The following KCNIP4 variants were observed in gnomAD, a reference collection of about 807,000 sequenced individuals.
KCNIP4 encodes the protein Kv channel-interacting protein 4.
KCNIP4 carries 12 observed loss-of-function variants against 34.0 expected under a neutral mutation model. The ratio of observed to expected loss-of-function variants is 0.35; its 90% CI spans 0.23 to 0.57. The LOEUF is 0.57. Among genes scored for constraint, KCNIP4 ranks in the 20% least tolerant of loss-of-function variants. The pLI is 0.83. For synonymous variants in KCNIP4, 124 were observed against 102.2 expected, an observed-to-expected ratio of 1.21 and a Z score of -1.29; for missense variants, 238 against 311.7, an observed-to-expected ratio of 0.76 and a Z score of 1.78.
intron 2 of KCNIP4, among the ~76,000 whole-genome samples, chr4:20,864,731 C>T (rs1246124643): frequency 1.3e-5 from 2 of 152,010 alleles, no homozygotes; most frequent in African/African-American, 4.8e-5. Flanking sequence ...GTATTGAGTC[C>T]AGCCCCTTAA....
intron 1 of KCNIP4, among the ~76,000 whole-genome samples, chr4:21,200,687 G>A (rs1326830718): frequency 4.0e-5 from 6 of 151,810 alleles, no homozygotes; most frequent in Admixed American, 2.6e-4. Context: ...TATTGGGTAC[G>A]AGGTAGGCTA....
At chr4:21,675,938 G>A (rs1427643397) in intron 1 of KCNIP4, among the ~76,000 whole-genome samples, 1 of 152,178 alleles carries the variant, frequency 6.6e-6, no homozygotes, top group Non-Finnish European at 1.5e-5. Flanking sequence ...CTAGCAGAAA[G>A]AGAATGGGAT....
chr4:21,010,244 C>T (rs1379578330), intron 1 of KCNIP4, among the ~76,000 whole-genome samples: 1 of 152,162 alleles, frequency 6.6e-6, no homozygotes, highest in East Asian at 1.9e-4. Context: ...AGGAACATGT[C>T]CACACTTCCC....
intron 1 of KCNIP4, among the ~76,000 whole-genome samples, chr4:21,380,440 G>GGAGGGA (rs113546252): frequency 0.61 from 74,730 of 122,070 alleles, 23,777 homozygotes; most frequent in African/African-American, 0.69. Flanking sequence ...TGAGGGAGAG[G>GGAGGGA]GAGGGAGAGG....
At chr4:21,584,658 A>G (rs1741480715) in intron 1 of KCNIP4, among the ~76,000 whole-genome samples, 1 of 152,130 alleles carries the variant, frequency 6.6e-6, no homozygotes, top group Non-Finnish European at 1.5e-5. Context: ...AGACTCAGAG[A>G]CATGTGGCTC....
intron 3 of KCNIP4, among the ~76,000 whole-genome samples, chr4:20,797,418 T>A (rs2149411921): frequency 6.6e-6 from 1 of 152,222 alleles, no homozygotes; most frequent in Non-Finnish European, 1.5e-5. Flanking sequence ...AAAAGAATCC[T>A]AGGATAGCTC....
intron 1 of KCNIP4, among the ~76,000 whole-genome samples, chr4:21,288,119 T>G (rs745901523): frequency 2.0e-5 from 3 of 152,324 alleles, no homozygotes; most frequent in Non-Finnish European, 4.4e-5. Flanking sequence ...AGATTTATGT[T>G]GACTCCTGAA....
At chr4:21,066,999 C>T (rs1189918881) in intron 1 of KCNIP4, among the ~76,000 whole-genome samples, 1 of 152,124 alleles carries the variant, frequency 6.6e-6, no homozygotes, top group Non-Finnish European at 1.5e-5. Context: ...CTCATTCCTT[C>T]TGTTTGAGGA....
chr4:21,490,311 T>C (rs1326879144), intron 1 of KCNIP4, among the ~76,000 whole-genome samples: 1 of 152,158 alleles, frequency 6.6e-6, no homozygotes, highest in Non-Finnish European at 1.5e-5. Context: ...ATAGAAGCAC[T>C]TGAATTTGAT....
chr4:21,099,146 C>G (rs976111761), intron 1 of KCNIP4, among the ~76,000 whole-genome samples: 20 of 152,112 alleles, frequency 1.3e-4, no homozygotes, highest in Admixed American at 3.3e-4. Flanking sequence ...ATAAATCATT[C>G]TATTATAAAA....
At chr4:21,931,738 T>C (rs1201619957) in intron 1 of KCNIP4, among the ~76,000 whole-genome samples, 2 of 152,154 alleles carry the variant, frequency 1.3e-5, no homozygotes, top group Admixed American at 6.6e-5. Flanking sequence ...GCAATAAACA[T>C]ACGTGTGCAT....
chr4:21,250,131 T>TTTTC (rs1560215321), intron 1 of KCNIP4, among the ~76,000 whole-genome samples: 44 of 150,584 alleles, frequency 2.9e-4, no homozygotes, highest in African/African-American at 4.4e-4. Flanking sequence ...TTTTTTTTTT[T>TTTTC]CCCCCAGGAA....
chr4:21,343,421 C>T (rs1358984504), intron 1 of KCNIP4, among the ~76,000 whole-genome samples: 1 of 152,134 alleles, frequency 6.6e-6, no homozygotes, highest in African/African-American at 2.4e-5. Flanking sequence ...ATGTCAACCT[C>T]TACCTTTGAC....
intron 1 of KCNIP4, among the ~76,000 whole-genome samples, chr4:21,707,681 C>A (rs192203499): frequency 9.2e-5 from 14 of 151,932 alleles, no homozygotes; most frequent in African/African-American, 3.4e-4. Flanking sequence ...TTACATCATA[C>A]TTTAAAAAAA....
chr4:21,458,747 C>T (rs1271680097), intron 1 of KCNIP4, among the ~76,000 whole-genome samples: 3 of 152,020 alleles, frequency 2.0e-5, no homozygotes, highest in Non-Finnish European at 4.4e-5. Flanking sequence ...TGTTGTTTCT[C>T]ACCTCCAATT....
At chr4:21,539,814 A>T (rs1422108941) in intron 1 of KCNIP4, among the ~76,000 whole-genome samples, 2 of 152,016 alleles carry the variant, frequency 1.3e-5, no homozygotes, top group African/African-American at 4.8e-5. Context: ...CCCCGTTTCT[A>T]CTAAAAGTAC....
At chr4:21,939,683 G>A (rs1049478174) in intron 1 of KCNIP4, among the ~76,000 whole-genome samples, 14 of 152,038 alleles carry the variant, frequency 9.2e-5, no homozygotes, top group South Asian at 2.1e-4. Context: ...GACCATGAGC[G>A]GACAGGGAAC....
chr4:21,750,755 C>T (rs1280514573), intron 1 of KCNIP4, among the ~76,000 whole-genome samples: 1 of 152,060 alleles, frequency 6.6e-6, no homozygotes, highest in Admixed American at 6.6e-5. Context: ...AGGTGCTCAA[C>T]AGTTATTTCG....
intron 1 of KCNIP4, among the ~76,000 whole-genome samples, chr4:21,029,132 C>T (rs893323697): frequency 6.6e-6 from 1 of 152,116 alleles, no homozygotes; most frequent in Non-Finnish European, 1.5e-5. Context: ...TAAATGCAGC[C>T]TTTCTAAGAG....
Sources: gnomAD v4.1 joint callset for allele counts (sites outside exome capture counted in the v4.1 genomes callset) on GRCh38, gnomAD v4.1.1 for gene constraint, MANE v1.5 for transcripts, NCBI Gene and HGNC (gene_info 2026-07-23, HGNC 2026-07-21) for gene names.